The following WDR17 variants were observed in gnomAD, a reference collection of about 807,000 sequenced individuals.
WDR17 encodes WD repeat-containing protein 17.
In WDR17, 143 loss-of-function variants were observed where a neutral mutation model predicts 161.7. The observed-to-expected ratio is 0.88, with a 90% CI of 0.77 to 1.02. The LOEUF (loss-of-function observed/expected upper bound fraction) is 1.02, where lower values mean the gene tolerates loss of function less well. Among genes scored for constraint, WDR17 ranks in the 50% least tolerant of loss-of-function variants. The pLI is 0.00. For synonymous variants in WDR17, 517 were observed against 515.6 expected (o/e 1.00, Z -0.04); for missense variants, 1,469 against 1,520.9 (o/e 0.97, Z 0.57).
intron 7 of WDR17, among the ~76,000 whole-genome samples, chr4:176,133,552 AAATT>A (rs1743904939): frequency 6.6e-6 from 1 of 151,508 alleles, no homozygotes; most frequent in Non-Finnish European, 1.5e-5. Flanking sequence ...GCTTGATTAT[AAATT>A]ATTTCAGTTG....
chr4:176,155,950 A>G, intron 17 of WDR17, 129 bp from the exon 18 acceptor site: 1 of 798,686 alleles, frequency 1.3e-6, no homozygotes. Context: ...GAAAGTACCA[A>G]ATCAGGACTC....
intron 2 of WDR17, among the ~76,000 whole-genome samples, chr4:176,112,624 C>T (rs1330146698): frequency 6.6e-6 from 1 of 152,130 alleles, no homozygotes; most frequent in Admixed American, 6.6e-5. Flanking sequence ...AGAACACTTT[C>T]TCATCTTTCG....
At chr4:176,075,354 A>G (rs1041991744) in intron 1 of WDR17, among the ~76,000 whole-genome samples, 3 of 152,092 alleles carry the variant, frequency 2.0e-5, no homozygotes, top group Non-Finnish European at 4.4e-5. Context: ...TGAGAAATTT[A>G]CCATATCTTT....
rs138340617 is a variant in WDR17, at chr4:176,153,124, T to C, written c.2460+1157T>C. 2.9e-4 allele frequency among the ~76,000 whole-genome samples: 44 copies of C among 152,250 alleles called. 1 individual carries two copies. Among genetic ancestry groups the C allele is most frequent in the African/African-American group, 9.4e-4 (39 of 41,538 alleles). On this transcript the variant is annotated intron_variant, in intron 17 of 28. Coordinates refer to ENST00000508596, the MANE Select transcript of WDR17 (RefSeq NM_181265.4). ...AAACTGCGGGGTTGGAGCCCAGCCA[T>C]CTTGTGTTTTCATAAGCCCTCCATG...
chr4:176,134,631 A>C (rs2126768303), intron 7 of WDR17, among the ~76,000 whole-genome samples: 1 of 151,732 alleles, frequency 6.6e-6, no homozygotes, highest in Admixed American at 6.6e-5. Context: ...CAAAATTATG[A>C]GGTGCTTTTG....
intron 4 of WDR17, among the ~76,000 whole-genome samples, chr4:176,124,309 T>A (rs1044090070): frequency 2.0e-5 from 3 of 152,166 alleles, no homozygotes; most frequent in Non-Finnish European, 4.4e-5. Context: ...TTTCCATATT[T>A]CCAGTTGTGT....
chr4:176,130,550 C>T (rs371370951), intron 6 of WDR17, among the ~76,000 whole-genome samples: 32 of 152,062 alleles, frequency 2.1e-4, no homozygotes, highest in East Asian at 5.8e-4. Context: ...CGAGACCATC[C>T]TGGCTAACAC....
Position 176,135,235 on chromosome 4 carries a change from C to T in WDR17, c.1226C>T (p.Pro409Leu), listed in dbSNP as rs970473312. 1.2e-6 allele frequency: 2 copies of T among 1,611,968 alleles called. No homozygotes were observed. The highest frequency in any genetic ancestry group is 1.1e-5 in the South Asian group (1 of 91,010). Residue 409 changes from proline (P) to leucine (L), a missense_variant, in exon 8 of 29, where the codon CCG becomes CTG. Physicochemically the swap from Pro to Leu is moderately conservative, Grantham distance 98. Transcript: ENST00000508596. ...INTLTAVYTS[P>L]GNEGVIYSLS... The stretch of plus-strand genomic sequence containing the variant: ...ACATTAACAGCAGTGTACACATCCC[C>T]GGGTAATGAAGGTGTTATTTATTCC...
chr4:176,069,891 T>C (rs1733003008), intron 1 of WDR17, among the ~76,000 whole-genome samples: 1 of 152,192 alleles, frequency 6.6e-6, no homozygotes, highest in African/African-American at 2.4e-5. Flanking sequence ...AAGAAATAGC[T>C]AACATTTAAT....
At chr4:176,177,319 G>A in intron 27 of WDR17, 152 bp from the exon 28 acceptor site, 1 of 934,692 alleles carries the variant, frequency 1.1e-6, no homozygotes, top group Non-Finnish European at 1.6e-6. Context: ...TTTCTGCCAT[G>A]TAGTCCTTTG....
intron 1 of WDR17, among the ~76,000 whole-genome samples, chr4:176,100,821 G>T (rs980448148): frequency 6.6e-6 from 1 of 151,966 alleles, no homozygotes. Context: ...AATTTTTCCA[G>T]CACTATTTAT....
Position 176,172,328 on chromosome 4 carries a change from T to C in WDR17, c.3103-47T>C, listed in dbSNP as rs944800380. Reference sequence around the variant, plus strand: ...TTTTGTACTTACACTATTGCTTTTATCCGTTTGAATTTTAGTAACATTGTT... The same window carrying C: ...TTTTGTACTTACACTATTGCTTTTACCCGTTTGAATTTTAGTAACATTGTT... On this transcript the variant is annotated intron_variant, in intron 23 of 28. Coordinates refer to ENST00000508596, the MANE Select transcript of WDR17 (RefSeq NM_181265.4). 6 of 1,562,146 alleles carry C rather than the reference T, an allele frequency of 3.8e-6. No homozygotes were observed. The Admixed American group carries it at 9.7e-5, about 25-fold the overall frequency.
At chr4:176,076,573 T>C (rs1734064344) in intron 1 of WDR17, among the ~76,000 whole-genome samples, 1 of 151,944 alleles carries the variant, frequency 6.6e-6, no homozygotes, top group African/African-American at 2.4e-5. Context: ...TCTCTTATTT[T>C]CCAGTGTTTT....
chr4:176,171,489 T>A (rs1040632330), intron 23 of WDR17, among the ~76,000 whole-genome samples: 24 of 152,150 alleles, frequency 1.6e-4, no homozygotes, highest in Admixed American at 1.2e-3. Flanking sequence ...ATTCAGTTTG[T>A]TGTAATTTGT....
chr4:176,164,383 A>G lies in WDR17; in HGVS notation c.2990+1090A>G, dbSNP rs182392391. Among the ~76,000 whole-genome samples the G allele has an allele frequency of 7.9e-5, 12 of 152,340 alleles. No homozygotes were observed. In the East Asian group the frequency reaches 2.1e-3, roughly 27 times the overall value. The stretch of plus-strand genomic sequence containing the variant: ...CCTTTCAGGTGTTGACCTGACAATC[A>G]TAAGTGGAAAATTCCACATGAAAGT... On this transcript the variant is annotated intron_variant, in intron 22 of 28. Coordinates refer to ENST00000508596, the MANE Select transcript of WDR17 (RefSeq NM_181265.4).
intron 1 of WDR17, among the ~76,000 whole-genome samples, chr4:176,076,266 CACAT>C (rs57083327): frequency 0.54 from 77,508 of 144,758 alleles, 22,228 homozygotes; most frequent in South Asian, 0.64. Context: ...CACACACACA[CACAT>C]ATATATACAT....
intron 1 of WDR17, among the ~76,000 whole-genome samples, chr4:176,074,378 TAA>T (rs35475572): frequency 0.57 from 86,370 of 151,018 alleles, 25,262 homozygotes; most frequent in Non-Finnish European, 0.63. Context: ...GAGATATATA[TAA>T]AACTCAAGAT....
chr4:176,131,694 C>A lies in WDR17; in HGVS notation c.1054C>A (p.Leu352Ile). 6.2e-7 allele frequency: 1 copy of A among 1,613,000 alleles called. No homozygotes were observed. Among genetic ancestry groups the A allele is most frequent in the Non-Finnish European group, 8.5e-7 (1 of 1,179,520 alleles). Residue 352 changes from leucine (L) to isoleucine (I), a missense_variant, in exon 7 of 29, where the codon CTT becomes ATT. By Grantham distance (5) the Leu-to-Ile change is conservative (BLOSUM62 2). Coordinates refer to ENST00000508596, the MANE Select transcript of WDR17 (RefSeq NM_181265.4). The part of the protein sequence containing the change: ...VCCFLDGGVG[L>I]YDMGAKKWDF... Reference sequence around the variant, plus strand: ...TTGTTTCTTGGATGGTGGAGTTGGACTTTATGATATGGGAGCTAAGAAGTG... The same window carrying A: ...TTGTTTCTTGGATGGTGGAGTTGGAATTTATGATATGGGAGCTAAGAAGTG...
intron 13 of WDR17, 94 bp from the exon 14 acceptor site, chr4:176,149,713 A>G (rs1746799835): frequency 1.4e-6 from 2 of 1,477,244 alleles, no homozygotes; most frequent in South Asian, 1.3e-5. Context: ...ATTTCTTCAT[A>G]GCTTCAATTC....
Sources: gnomAD v4.1 joint callset for allele counts (sites outside exome capture counted in the v4.1 genomes callset) on GRCh38, gnomAD v4.1.1 for gene constraint, MANE v1.5 for transcripts, NCBI Gene and HGNC (gene_info 2026-07-23, HGNC 2026-07-21) for gene names.